Variants in FAM131A observed in about 807,000 individuals in gnomAD.
FAM131A encodes the protein protein FAM131A.
A neutral mutation model predicts 39.2 loss-of-function variants in FAM131A; 24 were observed. That is an observed-to-expected ratio of 0.61 (90% confidence interval 0.44 to 0.86). FAM131A has a LOEUF of 0.86. Among genes scored for constraint, FAM131A ranks in the 40% least tolerant of loss-of-function variants. The pLI, the probability that FAM131A is intolerant of heterozygous loss-of-function variation, is 0.00. For missense variants in FAM131A, 373 were observed against 481.2 expected (o/e 0.78, Z 2.10); for synonymous variants, 202 against 206.8 (o/e 0.98, Z 0.20).
chr3:184,341,601 G>C, intron 2 of FAM131A, 123 bp from the exon 3 acceptor site: 1 of 715,254 alleles, frequency 1.4e-6, no homozygotes, highest in Non-Finnish European at 2.4e-6. Context: ...GTAGCCACTG[G>C]GACATATGTG....
rs112798724 is a variant in FAM131A at position 184,342,297 on chromosome 3, T to G, written c.508+49T>G. ...CTACACTCTTGGCACAGGGCTGCTT[T>G]CTTTCTTTATTTTATTTAATTTTTT... On this transcript the variant is annotated intron_variant, in intron 4 of 5. Coordinates refer to ENST00000383847, the MANE Select transcript of FAM131A (RefSeq NM_144635.5). This position sits in a 1 kb window ranked among gnomAD's most constrained non-coding sequence, Gnocchi z 4.6. The G allele has an allele frequency of 5.2e-4, 784 of 1,510,322 alleles. 3 individuals carry two copies. The African/African-American group carries it at 8.1e-3, about 16-fold the overall frequency. 93.6% of individuals were successfully genotyped at this position (1,510,322 alleles called of 1,614,324 possible). A position where few individuals can be genotyped will look rare whatever the true frequency, so the allele number is the denominator to read the frequency against.
At chr3:184,340,572 A>ACCTG (rs1727329452) in intron 2 of FAM131A, 1 of 129,424 alleles carries the variant, frequency 7.7e-6, no homozygotes, top group Non-Finnish European at 1.7e-5. Flanking sequence ...TGATCCGCTC[A>ACCTG]CCTCGGCCTC....
At position 184,344,793 on chromosome 3, in the gene FAM131A, G is replaced by C. The variant is rs145026576; in HGVS notation, c.924G>C (p.Ser308=). The C allele has an allele frequency of 3.7e-6, 6 of 1,611,964 alleles. No homozygotes were observed. The Admixed American group carries it at 8.3e-5, about 22-fold the overall frequency. The part of the protein sequence containing the change: ...PLEAQDSLYN[S]PLTESCLSPA... ...AGGCCCAGGACTCACTCTACAACTC[G>C]CCCCTCACAGAGTCCTGCCTTTCCC... The change falls in exon 6 of 6, where the codon TCG becomes TCC. Residue 308 remains serine, a synonymous_variant. Transcript: ENST00000383847.
In FAM131A at chr3:184,342,580, ACAGGCAT is replaced by A. The variant is rs1256585982; in HGVS notation, c.509-163_509-157del. ...CTCGGCCTCCCAAAGTGCTGGGATT[ACAGGCAT>A]AAGCCACCACACCCGGCCAGGGCTG... is the stretch of plus-strand genomic sequence containing the variant. On this transcript the variant is annotated intron_variant, in intron 4 of 5. Transcript: ENST00000383847. This position sits in a 1 kb window ranked among gnomAD's most constrained non-coding sequence, Gnocchi z 4.6. Among the ~76,000 whole-genome samples, 2 of 152,184 alleles carry A rather than the reference ACAGGCAT, an allele frequency of 1.3e-5. No individual in the cohort carries two copies. Among genetic ancestry groups the A allele is most frequent in the Non-Finnish European group, 2.9e-5 (2 of 68,042 alleles).
At chr3:184,336,971 G>C (rs1727143480), upstream of FAM131A, among the ~76,000 whole-genome samples, 1 of 152,218 alleles carries the variant, frequency 6.6e-6, no homozygotes, top group African/African-American at 2.4e-5. The surrounding 1 kb of genome is among the most constrained non-coding windows in gnomAD (Gnocchi z 5.5). Context: ...ACTGGGTTTG[G>C]GATGGGTCCT....
intron 5 of FAM131A, among the ~76,000 whole-genome samples, chr3:184,344,236 C>T (rs184784043): frequency 3.9e-3 from 588 of 152,298 alleles, no homozygotes; most frequent in Middle Eastern, 0.01. Flanking sequence ...CCACCTGCCT[C>T]GGCCTCCCAA....
At chr3:184,338,657 G>A (rs1304559566) in intron 2 of FAM131A, 128 bp downstream of exon 2, 1 of 1,323,016 alleles carries the variant, frequency 7.6e-7, no homozygotes, top group African/African-American at 1.5e-5. Flanking sequence ...CTATCCGGCG[G>A]CGGGCCGGGA....
chr3:184,343,059 C>T (rs1246802590), intron 5 of FAM131A, 199 bp downstream of exon 5: 7 of 321,596 alleles, frequency 2.2e-5, no homozygotes, highest in Admixed American at 8.4e-5. Context: ...GAAATGGATT[C>T]GTTCCTTTCC....
rs145523198 is a variant in FAM131A at position 184,344,758 on chromosome 3, G to T, written c.889G>T (p.Gly297Cys). Residue 297 changes from glycine (G) to cysteine (C), a missense_variant, in exon 6 of 6, where the codon GGC becomes TGC. Gly to Cys is a radical substitution (Grantham distance 159). Coordinates refer to ENST00000383847, the MANE Select transcript of FAM131A (RefSeq NM_144635.5). ...CCGGGAAAGTGCCTTCCGCAGCCTG[G>T]GCCCACTGGAGGCCCAGGACTCACT... ...PSRESAFRSL[G>C]PLEAQDSLYN... 3.7e-5 allele frequency: 59 copies of T among 1,612,200 alleles called. No homozygotes were observed. The African/African-American group carries it at 7.5e-4, about 20-fold the overall frequency.
At chr3:184,337,832 C>A in intron 1 of FAM131A, 114 bp downstream of exon 1, 1 of 1,042,492 alleles carries the variant, frequency 9.6e-7, no homozygotes, top group Non-Finnish European at 1.4e-6. Context: ...CAGGCTGAAA[C>A]AGGGAGAACC....
chr3:184,338,746 C>T (rs1451158793), intron 2 of FAM131A: 1 of 536,580 alleles, frequency 1.9e-6, no homozygotes, highest in Non-Finnish European at 3.2e-6. Flanking sequence ...CTGACGTCAG[C>T]GCATCCCGGG....
chr3:184,336,516 C>T (rs1341798299), upstream of FAM131A, among the ~76,000 whole-genome samples: 2 of 152,224 alleles, frequency 1.3e-5, no homozygotes, highest in Non-Finnish European at 2.9e-5. The surrounding 1 kb of genome is among the most constrained non-coding windows in gnomAD (Gnocchi z 5.5). Flanking sequence ...TCTGCCTTCA[C>T]AGTCCTGGGA....
chr3:184,337,900 G>GA (rs1236550864), intron 1 of FAM131A, among the ~76,000 whole-genome samples, 182 bp downstream of exon 1: 8 of 152,062 alleles, frequency 5.3e-5, no homozygotes, highest in Admixed American at 2.6e-4. Flanking sequence ...GTGAAAATCA[G>GA]AAAAAATATC....
chr3:184,344,785 T>G lies in FAM131A; in HGVS notation c.916T>G (p.Tyr306Asp). The change falls in exon 6 of 6, where the codon TAC (tyrosine) becomes GAC (aspartate). Residue 306 changes from tyrosine to aspartate, a missense_variant. By Grantham distance (160) the Tyr-to-Asp change is radical. Around this residue, in one of 2 missense-constraint regions of FAM131A, gnomAD observed 152 missense variants for 133.5 expected, o/e 1.14. Transcript: ENST00000383847. ...LGPLEAQDSL[Y>D]NSPLTESCLS... ...CCCACTGGAGGCCCAGGACTCACTC[T>G]ACAACTCGCCCCTCACAGAGTCCTG... is the stretch of plus-strand genomic sequence containing the variant. 1 of 1,612,298 alleles carries G rather than the reference T, an allele frequency of 6.2e-7. No individual in the cohort carries two copies. The highest frequency in any genetic ancestry group is 8.5e-7 in the Non-Finnish European group (1 of 1,179,922).
intron 2 of FAM131A, chr3:184,340,566 CCGCT>C (rs1727328723): frequency 6.6e-6 from 1 of 151,898 alleles, no homozygotes; most frequent in Non-Finnish European, 1.5e-5. Flanking sequence ...ACCTCATGAT[CCGCT>C]CACCTCGGCC....
Position 184,342,983 on chromosome 3 carries a change from A to G in FAM131A, c.625+123A>G. The G allele has an allele frequency of 1.2e-6, 1 of 831,424 alleles. No individual in the cohort carries two copies. The highest frequency in any genetic ancestry group is 2.0e-6 in the Non-Finnish European group (1 of 502,350). 51.5% of individuals were successfully genotyped at this position (831,424 alleles called of 1,614,324 possible). ...GGAGGGAGAGGGACAGACTCAGTCC[A>G]GGCAGGCCTGGACACTCCAGGGACA... is the stretch of plus-strand genomic sequence containing the variant. On this transcript the variant is annotated intron_variant, in intron 5 of 5. Transcript: ENST00000383847. This position sits in a 1 kb window ranked among gnomAD's most constrained non-coding sequence, Gnocchi z 4.6.
chr3:184,336,628 C>T (rs1727119068), upstream of FAM131A, among the ~76,000 whole-genome samples: 1 of 152,186 alleles, frequency 6.6e-6, no homozygotes. The surrounding 1 kb of genome is among the most constrained non-coding windows in gnomAD (Gnocchi z 5.5). Flanking sequence ...GAATTTTTGT[C>T]GGACATTGAC....
chr3:184,338,027 C>T (rs565438385), intron 1 of FAM131A, among the ~76,000 whole-genome samples: 8 of 151,914 alleles, frequency 5.3e-5, no homozygotes, highest in Non-Finnish European at 1.0e-4. Flanking sequence ...TCCAGGGTGG[C>T]GGTGGTGGGG....
chr3:184,344,970 AC>A lies in FAM131A; in HGVS notation c.*3del. 2 of 1,543,818 alleles carry A rather than the reference AC, an allele frequency of 1.3e-6. No individual in the cohort carries two copies. Among genetic ancestry groups the A allele is most frequent in the Non-Finnish European group, 1.7e-6 (2 of 1,147,428 alleles). ...ATGAGGCAGAGCCAGAGGAACAGTG[AC>A]CCACATCATGCCTGGCAGTGGCATG... is the stretch of plus-strand genomic sequence containing the variant. On this transcript the variant is annotated 3_prime_UTR_variant, in exon 6 of 6. Transcript: ENST00000383847.
Sources: gnomAD v4.1 joint callset for allele counts (sites outside exome capture counted in the v4.1 genomes callset) on GRCh38, gnomAD v4.1.1 for gene constraint, gnomAD v4.1.1 regional missense constraint, Gnocchi (gnomAD v3.1) non-coding constraint, MANE v1.5 for transcripts, NCBI Gene and HGNC (gene_info 2026-07-23, HGNC 2026-07-21) for gene names.